The following TM9SF4 variants were observed in gnomAD, a reference collection of about 807,000 sequenced individuals.
The protein encoded by TM9SF4 is dinucleotide oxidase disulfide thiol exchanger 3 superfamily member 4.
TM9SF4 carries 26 observed loss-of-function variants against 90.4 expected under a neutral mutation model. The ratio of observed to expected loss-of-function variants is 0.29; its 90% CI spans 0.21 to 0.40. The LOEUF (loss-of-function observed/expected upper bound fraction) is 0.40, where lower values mean the gene tolerates loss of function less well. Among genes scored for constraint, TM9SF4 ranks in the 10% least tolerant of loss-of-function variants. TM9SF4 has a pLI of 1.00. For missense variants in TM9SF4, 549 were observed against 834.8 expected (o/e 0.66, Z 4.22); for synonymous variants, 293 against 315.4 (o/e 0.93, Z 0.75).
chr20:32,135,258 T>C (rs376678214), intron 2 of TM9SF4, among the ~76,000 whole-genome samples: 1 of 152,208 alleles, frequency 6.6e-6, no homozygotes, highest in African/African-American at 2.4e-5. Context: ...TATATCATAG[T>C]TTATTGATAA....
intron 8 of TM9SF4, among the ~76,000 whole-genome samples, chr20:32,146,342 G>A (rs971835675): frequency 6.6e-6 from 1 of 152,170 alleles, no homozygotes; most frequent in African/African-American, 2.4e-5. Flanking sequence ...AGCACGCGTA[G>A]GAGTCAGTCA....
intron 17 of TM9SF4, among the ~76,000 whole-genome samples, chr20:32,163,268 AATATATATATATATAT>A (rs1186662308): frequency 1.3e-5 from 1 of 74,488 alleles, no homozygotes; most frequent in Non-Finnish European, 2.5e-5. Flanking sequence ...AAAAAAAAAA[AATATATATATATATAT>A]ATATATATAT....
chr20:32,165,151 C>A, intron 17 of TM9SF4, 144 bp from the exon 18 acceptor site: 1 of 1,027,222 alleles, frequency 9.7e-7, no homozygotes. Context: ...TGAACCCTGC[C>A]TGCCGCTTGC....
At chr20:32,135,049 G>C (rs2046575670) in intron 2 of TM9SF4, among the ~76,000 whole-genome samples, 1 of 152,140 alleles carries the variant, frequency 6.6e-6, no homozygotes, top group East Asian at 1.9e-4. Context: ...TATGAGGAAT[G>C]GTCAATAGTT....
At chr20:32,139,321 C>T (rs760512936) in intron 3 of TM9SF4, among the ~76,000 whole-genome samples, 6 of 152,226 alleles carry the variant, frequency 3.9e-5, no homozygotes, top group East Asian at 1.9e-4. Context: ...AAAATGCCTT[C>T]GATGTAAATT....
chr20:32,165,557 T>G lies in TM9SF4; in HGVS notation c.*113T>G. The G allele has an allele frequency of 1.6e-6, 2 of 1,283,242 alleles. No homozygotes were observed. The allele number at this position is 1,283,242 out of a possible 1,614,324, so 79.5% of individuals were successfully genotyped here. A position where few individuals can be genotyped will look rare whatever the true frequency, so the allele number is the denominator to read the frequency against. ...TCCTGCTCGTTTGGAATGTAACTCC[T>G]GGCACAGTGTTCCTGGATCCTGGGG... On this transcript the variant is annotated 3_prime_UTR_variant, in exon 18 of 18. Coordinates refer to ENST00000398022, the MANE Select transcript of TM9SF4 (RefSeq NM_014742.4).
intron 1 of TM9SF4, among the ~76,000 whole-genome samples, chr20:32,128,125 T>A (rs1038242641): frequency 2.6e-5 from 4 of 152,254 alleles, no homozygotes; most frequent in South Asian, 2.1e-4. Context: ...TGCCCAGTGC[T>A]GCACAGCTGA....
intron 17 of TM9SF4, among the ~76,000 whole-genome samples, chr20:32,161,584 C>T (rs963942373): frequency 8.5e-5 from 13 of 152,124 alleles, no homozygotes; most frequent in Admixed American, 6.5e-5. Context: ...CATCAGGATA[C>T]GTGACAATGT....
chr20:32,149,746 G>C lies in TM9SF4; in HGVS notation c.1067G>C (p.Cys356Ser). ...SLLGSGIQLF[C>S]MILIVIFVAM... ...CTGGGCTCAGGCATTCAGCTGTTCTGTATGATCCTCATCGTCATCTGTGAG... is the reference window on the plus strand; with the variant it reads ...CTGGGCTCAGGCATTCAGCTGTTCTCTATGATCCTCATCGTCATCTGTGAG... Residue 356 changes from cysteine (C) to serine (S), a missense_variant, in exon 10 of 18, where the codon TGT (cysteine) becomes TCT (serine). Around this residue, in one of 2 missense-constraint regions of TM9SF4, gnomAD observed 495 missense variants for 711.7 expected, o/e 0.70. Transcript: ENST00000398022. The C allele has an allele frequency of 2.5e-6, 4 of 1,614,210 alleles. No individual in the cohort carries two copies. The highest frequency in any genetic ancestry group is 3.4e-6 in the Non-Finnish European group (4 of 1,180,036).
At position 32,165,711 on chromosome 20, in the gene TM9SF4, ACT is replaced by A. The variant is rs2047090469; in HGVS notation, c.*272_*273del. The A allele has an allele frequency of 6.8e-6, 3 of 444,336 alleles. No individual in the cohort carries two copies. The highest frequency in any genetic ancestry group is 7.9e-5 in the East Asian group (2 of 25,414). The allele number at this position is 444,336 out of a possible 1,614,324, so 27.5% of individuals were successfully genotyped here. On this transcript the variant is annotated 3_prime_UTR_variant, in exon 18 of 18. Transcript: ENST00000398022. ...GCTAAGAAAGTTCCCTCCAACAGGA[ACT>A]CTCTGACCTGTTTATTCAGGTGTAT...
chr20:32,129,352 G>A (rs2046476316), intron 1 of TM9SF4, among the ~76,000 whole-genome samples: 1 of 152,048 alleles, frequency 6.6e-6, no homozygotes, highest in South Asian at 2.1e-4. Context: ...AAATTGCGGT[G>A]CATGGTGGCG....
At chr20:32,115,793 C>T (rs2295036) in intron 1 of TM9SF4, among the ~76,000 whole-genome samples, 54,174 of 133,720 alleles carry the variant, frequency 0.41, 12,368 homozygotes, top group East Asian at 0.75. Flanking sequence ...AATAACAAAA[C>T]CTACCACTTT....
intron 6 of TM9SF4, among the ~76,000 whole-genome samples, chr20:32,144,295 T>G (rs946398973): frequency 2.0e-5 from 3 of 152,210 alleles, no homozygotes; most frequent in Non-Finnish European, 4.4e-5. Context: ...AGTTGGTGCT[T>G]ATTATATGTT....
chr20:32,133,241 A>C, intron 2 of TM9SF4, 115 bp downstream of exon 2: 1 of 837,076 alleles, frequency 1.2e-6, no homozygotes, highest in South Asian at 2.1e-5. Context: ...AGTGCCAGTT[A>C]CCCCGGAACT....
intron 12 of TM9SF4, 60 bp downstream of exon 12, chr20:32,150,935 CT>C: frequency 1.3e-6 from 2 of 1,592,424 alleles, no homozygotes; most frequent in Non-Finnish European, 1.7e-6. Context: ...TCCTGGGCTC[CT>C]CAGGAGAAGG....
At chr20:32,112,862 AGG>A (rs2046166804) in intron 1 of TM9SF4, among the ~76,000 whole-genome samples, 1 of 152,192 alleles carries the variant, frequency 6.6e-6, no homozygotes, top group South Asian at 2.1e-4. Flanking sequence ...GCCAGTTTAA[AGG>A]GTGCATATGG....
chr20:32,152,741 C>T (rs2046860937), intron 12 of TM9SF4, among the ~76,000 whole-genome samples: 1 of 152,194 alleles, frequency 6.6e-6, no homozygotes, highest in Admixed American at 6.5e-5. Context: ...CTGGTGTCAC[C>T]TCATCCTTTA....
intron 1 of TM9SF4, among the ~76,000 whole-genome samples, chr20:32,116,894 A>ATTTTTTT (rs2046234522): frequency 1.5e-5 from 1 of 67,974 alleles, no homozygotes; most frequent in Non-Finnish European, 2.9e-5. Flanking sequence ...TTTTTGCTTA[A>ATTTTTTT]TCTGAGGGAG....
At chr20:32,138,821 T>C (rs991264765) in intron 3 of TM9SF4, among the ~76,000 whole-genome samples, 1 of 152,178 alleles carries the variant, frequency 6.6e-6, no homozygotes, top group African/African-American at 2.4e-5. Flanking sequence ...AAGATCCTCA[T>C]TGACAGGAGA....
Sources: allele counts gnomAD v4.1 joint callset (sites outside exome capture counted in the v4.1 genomes callset), GRCh38; gene constraint gnomAD v4.1.1; regional missense constraint gnomAD v4.1.1; transcripts MANE v1.5; gene names NCBI Gene and HGNC (gene_info 2026-07-23, HGNC 2026-07-21).